The following MAPK8 variants were observed in gnomAD, a reference collection of about 807,000 sequenced individuals.
MAPK8 encodes the protein JUN N-terminal kinase.
In MAPK8, 13 loss-of-function variants were observed where a neutral mutation model predicts 52.9. The ratio of observed to expected loss-of-function variants is 0.25; its 90% confidence interval spans 0.16 to 0.39. The LOEUF is 0.39. MAPK8 is among the 10% of genes least tolerant of loss of function. The pLI is 1.00. For missense variants in MAPK8, 300 were observed against 519.2 expected, an observed-to-expected ratio of 0.58 and a Z score of 4.10; for synonymous variants, 191 against 169.8, an observed-to-expected ratio of 1.12 and a Z score of -0.97.
chr10:48,371,475 G>A lies in MAPK8; in HGVS notation c.-49-30137G>A, dbSNP rs982371800. Among the ~76,000 whole-genome samples the A allele has an allele frequency of 1.5e-4, 23 of 151,978 alleles. No homozygotes were observed. The East Asian group carries it at 1.7e-3, about 11-fold the overall frequency. ...TTATTCAAGGATTTTTTTCCCCCTC[G>A]AAGCACTTTACTGTGTTATAGTTTA... On this transcript the variant is annotated intron_variant, in intron 1 of 11. Transcript: ENST00000374189.
rs1784034995 is a variant in MAPK8 at position 48,392,688 on chromosome 10, T to TTACCAG, written c.-49-8923_-49-8922insACCAGT. Among the ~76,000 whole-genome samples, 3 of 152,172 alleles carry TTACCAG rather than the reference T, an allele frequency of 2.0e-5. No individual in the cohort carries two copies. The East Asian group carries it at 5.8e-4, about 29-fold the overall frequency. On this transcript the variant is annotated intron_variant, in intron 1 of 11. Coordinates refer to ENST00000374189, the MANE Select transcript of MAPK8 (RefSeq NM_001323329.2). ...ACTCTTCCTCTCTTTATTGGATCCT[T>TTACCAG]TTTGTTAGCATATAAACATGTTCAG...
chr10:48,400,146 G>A (rs1305127099), intron 1 of MAPK8, among the ~76,000 whole-genome samples: 3 of 152,174 alleles, frequency 2.0e-5, no homozygotes, highest in African/African-American at 7.2e-5. Context: ...ATAGCTCAGT[G>A]TTTAAATCAT....
At chr10:48,403,919 G>A (rs1475942716) in intron 2 of MAPK8, among the ~76,000 whole-genome samples, 1 of 111,906 alleles carries the variant, frequency 8.9e-6, no homozygotes, top group South Asian at 3.3e-4. Flanking sequence ...CGGCTAATTT[G>A]TGTGTGTGTG....
At chr10:48,348,909 A>G (rs1221418361) in intron 1 of MAPK8, among the ~76,000 whole-genome samples, 1 of 151,154 alleles carries the variant, frequency 6.6e-6, no homozygotes, top group East Asian at 1.9e-4. Context: ...CATAGGCTCA[A>G]AATAAAGGGA....
At chr10:48,311,707 C>G (rs1841997545) in intron 1 of MAPK8, among the ~76,000 whole-genome samples, 2 of 152,154 alleles carry the variant, frequency 1.3e-5, no homozygotes, top group Admixed American at 1.3e-4. Context: ...CTGGAGGCCT[C>G]TTAAAAAATG....
chr10:48,327,338 T>C (rs1843635663), intron 1 of MAPK8, among the ~76,000 whole-genome samples: 1 of 152,234 alleles, frequency 6.6e-6, no homozygotes, highest in Non-Finnish European at 1.5e-5. Flanking sequence ...TCCATTGATA[T>C]GACCATTTGA....
intron 1 of MAPK8, among the ~76,000 whole-genome samples, chr10:48,332,404 A>G (rs1045195026): frequency 6.6e-6 from 1 of 152,230 alleles, no homozygotes; most frequent in Non-Finnish European, 1.5e-5. Flanking sequence ...TGCATCATGC[A>G]GAGTCGGGGA....
intron 1 of MAPK8, among the ~76,000 whole-genome samples, chr10:48,321,263 A>T (rs1842972614): frequency 6.6e-6 from 1 of 151,788 alleles, no homozygotes; most frequent in African/African-American, 2.4e-5. Flanking sequence ...AATTTTTAAA[A>T]TTTTTTGTAG....
chr10:48,365,583 A>G (rs553933753), intron 1 of MAPK8, among the ~76,000 whole-genome samples: 2 of 152,252 alleles, frequency 1.3e-5, no homozygotes, highest in Admixed American at 6.5e-5. Context: ...GAAATTCTAA[A>G]CCTTTGCTAA....
chr10:48,424,481 C>T (rs1216240496), intron 7 of MAPK8: 3 of 1,360,674 alleles, frequency 2.2e-6, no homozygotes, highest in Admixed American at 2.3e-5. Context: ...TAACCAAAAT[C>T]TTTATGTTAA....
chr10:48,362,086 G>C (rs371643468), intron 1 of MAPK8, among the ~76,000 whole-genome samples: 2 of 152,046 alleles, frequency 1.3e-5, no homozygotes. Flanking sequence ...TAAATTCATC[G>C]TACCTTTTTC....
At chr10:48,369,859 A>G (rs1036901187) in intron 1 of MAPK8, among the ~76,000 whole-genome samples, 1 of 152,168 alleles carries the variant, frequency 6.6e-6, no homozygotes, top group Non-Finnish European at 1.5e-5. Flanking sequence ...GTTTAGGAGC[A>G]AGAAGTTTGT....
intron 1 of MAPK8, among the ~76,000 whole-genome samples, chr10:48,381,455 T>G (rs1159291210): frequency 6.6e-6 from 1 of 152,220 alleles, no homozygotes; most frequent in Non-Finnish European, 1.5e-5. Context: ...TCTAGTACTT[T>G]TAATTACATA....
chr10:48,323,386 GAAACCCT>G (rs1458268498), intron 1 of MAPK8, among the ~76,000 whole-genome samples: 2 of 152,172 alleles, frequency 1.3e-5, no homozygotes, highest in African/African-American at 4.8e-5. Context: ...ATTTCGCAGA[GAAACCCT>G]AGGATACTGA....
intron 1 of MAPK8, among the ~76,000 whole-genome samples, chr10:48,378,718 A>AT (rs913825777): frequency 3.3e-5 from 5 of 151,760 alleles, no homozygotes; most frequent in South Asian, 4.2e-4. Context: ...TCTCCCTTTT[A>AT]TTTTTTTAAA....
chr10:48,431,963 A>T (rs2044322408), intron 11 of MAPK8, among the ~76,000 whole-genome samples: 2 of 152,214 alleles, frequency 1.3e-5, no homozygotes, highest in Admixed American at 1.3e-4. Flanking sequence ...CATGTTATGG[A>T]TGAGGAAACT....
At chr10:48,427,976 A>G (rs879943985) in intron 10 of MAPK8, among the ~76,000 whole-genome samples, 7 of 152,178 alleles carry the variant, frequency 4.6e-5, no homozygotes, top group Non-Finnish European at 7.3e-5. Context: ...ATGTTCACAT[A>G]TGAGAACATG....
chr10:48,426,969 A>T, intron 9 of MAPK8, 111 bp from the exon 10 acceptor site: 1 of 740,666 alleles, frequency 1.4e-6, no homozygotes, highest in African/African-American at 1.7e-5. Context: ...ATCAGTCTTG[A>T]TCTAATGATA....
intron 1 of MAPK8, among the ~76,000 whole-genome samples, chr10:48,359,048 G>T (rs1355824801): frequency 6.6e-6 from 1 of 152,016 alleles, no homozygotes; most frequent in Non-Finnish European, 1.5e-5. Context: ...GAGTCCTCCG[G>T]CTTTATCTTA....
Sources: gnomAD v4.1 joint callset for allele counts (sites outside exome capture counted in the v4.1 genomes callset) on GRCh38, gnomAD v4.1.1 for gene constraint, MANE v1.5 for transcripts, NCBI Gene and HGNC (gene_info 2026-07-23, HGNC 2026-07-21) for gene names.